Variants in SCEL observed in about 807,000 individuals in gnomAD.
SCEL encodes sciellin.
In SCEL, 113 loss-of-function variants were observed where a neutral mutation model predicts 117.6. The observed-to-expected ratio is 0.96, with a 90% confidence interval of 0.83 to 1.12. SCEL has a LOEUF of 1.12. Among genes scored for constraint, SCEL ranks in the 50% most tolerant of loss-of-function variants. The pLI, the probability that SCEL is intolerant of heterozygous loss-of-function variation, is 0.00. For synonymous variants in SCEL, 270 were observed against 256.2 expected (o/e 1.05, Z -0.51); for missense variants, 785 against 810.8 (o/e 0.97, Z 0.39).
intron 18 of SCEL, 46 bp from the exon 19 acceptor site, chr13:77,604,310 G>T: frequency 1.7e-6 from 2 of 1,208,176 alleles, no homozygotes; most frequent in Non-Finnish European, 2.4e-6. Flanking sequence ...TCTGATTAGT[G>T]CTATACTTTA....
At position 77,604,332 on chromosome 13, in the gene SCEL, T is replaced by G. The variant is rs756737341; in HGVS notation, c.1098-24T>G. The G allele has an allele frequency of 4.1e-6, 6 of 1,446,378 alleles. No homozygotes were observed. In the East Asian group the frequency reaches 1.4e-4, roughly 35 times the overall value. 89.6% of individuals were successfully genotyped at this position (1,446,378 alleles called of 1,614,324 possible). ...AGTGCTATACTTTAACATCATTCAT[T>G]AAAATTAATTTCCTTTTTCAAAGAA... is the stretch of plus-strand genomic sequence containing the variant. On this transcript the variant is annotated intron_variant, in intron 18 of 32. Coordinates refer to ENST00000349847, the MANE Select transcript of SCEL (RefSeq NM_144777.3).
intron 1 of SCEL, among the ~76,000 whole-genome samples, chr13:77,541,204 A>G (rs2083682224): frequency 6.6e-6 from 1 of 152,200 alleles, no homozygotes; most frequent in African/African-American, 2.4e-5. Flanking sequence ...AGTAAGAAAT[A>G]TATAATAATT....
intron 27 of SCEL, among the ~76,000 whole-genome samples, chr13:77,620,471 C>A (rs564924191): frequency 2.6e-5 from 4 of 152,178 alleles, no homozygotes; most frequent in African/African-American, 9.7e-5. Context: ...ACATTTCCAG[C>A]AGCTGTATAT....
chr13:77,624,197 C>T (rs2089596693), intron 27 of SCEL, among the ~76,000 whole-genome samples: 1 of 151,342 alleles, frequency 6.6e-6, no homozygotes, highest in Non-Finnish European at 1.5e-5. Context: ...CTCCTCCTCC[C>T]CCAGTTCACA....
At chr13:77,618,416 A>G (rs1364738723) in intron 27 of SCEL, among the ~76,000 whole-genome samples, 1 of 152,254 alleles carries the variant, frequency 6.6e-6, no homozygotes, top group East Asian at 1.9e-4. Context: ...TTCTGGGCTC[A>G]GGCAGTCCTC....
At chr13:77,537,183 T>C (rs2154392661) in intron 1 of SCEL, among the ~76,000 whole-genome samples, 1 of 152,344 alleles carries the variant, frequency 6.6e-6, no homozygotes, top group Middle Eastern at 3.4e-3. Flanking sequence ...AGAATTTTTA[T>C]TGGAATGTTA....
At chr13:77,601,419 T>C (rs2087678841) in intron 15 of SCEL, among the ~76,000 whole-genome samples, 1 of 152,192 alleles carries the variant, frequency 6.6e-6, no homozygotes, top group African/African-American at 2.4e-5. Flanking sequence ...ATGTCAACAG[T>C]CTTATCACAG....
At chr13:77,596,599 C>T (rs1199827379) in intron 12 of SCEL, among the ~76,000 whole-genome samples, 1 of 151,984 alleles carries the variant, frequency 6.6e-6, no homozygotes, top group East Asian at 1.9e-4. Flanking sequence ...GGATCGTACT[C>T]CATGTGTCCT....
intron 23 of SCEL, 103 bp from the exon 24 acceptor site, chr13:77,613,790 T>C: frequency 1.1e-6 from 1 of 879,898 alleles, no homozygotes; most frequent in Non-Finnish European, 1.9e-6. Flanking sequence ...CTCAGTAAAC[T>C]TATGAGTTCT....
Position 77,612,468 on chromosome 13 carries a change from T to C in SCEL, c.1338-423T>C, listed in dbSNP as rs1422670855. 1.4e-3 allele frequency among the ~76,000 whole-genome samples: 207 copies of C among 143,636 alleles called. 2 individuals are homozygous for C. Among genetic ancestry groups the C allele is most frequent in the African/African-American group, 4.6e-3 (173 of 37,888 alleles). 94.2% of individuals were successfully genotyped at this position (143,636 alleles called of 152,430 possible). On this transcript the variant is annotated intron_variant, in intron 22 of 32. Transcript: ENST00000349847. Reference sequence around the variant, plus strand: ...GCTTTTTTCTTTTCTTTTTTTTTTTTTTTTTTTTTTTTTTTTTACAAATTA... The same window carrying C: ...GCTTTTTTCTTTTCTTTTTTTTTTTCTTTTTTTTTTTTTTTTTACAAATTA...
chr13:77,623,499 A>G (rs1228256409), intron 27 of SCEL: 3 of 152,154 alleles, frequency 2.0e-5, no homozygotes, highest in Non-Finnish European at 4.4e-5. Flanking sequence ...ATATTACTCT[A>G]CCAAACCTGA....
chr13:77,593,293 T>TGCGC lies in SCEL; in HGVS notation c.693-220_693-219insCGCG, dbSNP rs1491396156. ...GTGTGTGTGTGTGTGTGTGTGTGTG[T>TGCGC]GTGTCTGTGTGTGTGTGTGTGTGTG... On this transcript the variant is annotated intron_variant, in intron 11 of 32. Transcript: ENST00000349847. Among the ~76,000 whole-genome samples the TGCGC allele has an allele frequency of 9.9e-4, 53 of 53,392 alleles. 2 individuals are homozygous for TGCGC. Among genetic ancestry groups the TGCGC allele is most frequent in the African/African-American group, 4.1e-3 (41 of 9,928 alleles). 35.0% of individuals were successfully genotyped at this position (53,392 alleles called of 152,430 possible). A position where few individuals can be genotyped will look rare whatever the true frequency, so the allele number is the denominator to read the frequency against.
At chr13:77,610,935 A>G (rs989622454) in intron 22 of SCEL, among the ~76,000 whole-genome samples, 2 of 152,226 alleles carry the variant, frequency 1.3e-5, no homozygotes, top group Admixed American at 1.3e-4. Context: ...AACAGGCATA[A>G]CAAAACCACC....
At chr13:77,575,514 T>C (rs965327160) in intron 9 of SCEL, among the ~76,000 whole-genome samples, 1 of 152,218 alleles carries the variant, frequency 6.6e-6, no homozygotes, top group Non-Finnish European at 1.5e-5. Flanking sequence ...CTGAGAAGTG[T>C]CATTTTATGT....
rs367672540 is a variant in SCEL at position 77,637,967 on chromosome 13, G to T, written c.1838+773G>T. ...GTATGGCATGCAGATTTCCAGTGAA[G>T]TAAATGAAAATAAATAATTAGTATT... On this transcript the variant is annotated intron_variant, in intron 30 of 32. Transcript: ENST00000349847. Among the ~76,000 whole-genome samples, 21 of 152,328 alleles carry T rather than the reference G, an allele frequency of 1.4e-4. No individual in the cohort carries two copies. The East Asian group carries it at 2.9e-3, about 21-fold the overall frequency.
intron 5 of SCEL, among the ~76,000 whole-genome samples, chr13:77,564,938 A>G (rs12872318): frequency 0.44 from 67,163 of 152,090 alleles, 16,812 homozygotes; most frequent in Non-Finnish European, 0.55. Context: ...AGTTTGTAGT[A>G]TATGTACAAG....
At chr13:77,539,986 T>C (rs2083614487) in intron 1 of SCEL, among the ~76,000 whole-genome samples, 1 of 152,150 alleles carries the variant, frequency 6.6e-6, no homozygotes, top group South Asian at 2.1e-4. Context: ...AAGTAGCTTG[T>C]TTTTATTGTA....
At chr13:77,536,825 G>C (rs2083441270) in intron 1 of SCEL, among the ~76,000 whole-genome samples, 1 of 152,174 alleles carries the variant, frequency 6.6e-6, no homozygotes, top group African/African-American at 2.4e-5. Context: ...TTGCTGACAA[G>C]GTCACCTGCA....
chr13:77,609,143 T>A, intron 21 of SCEL, 26 bp downstream of exon 21: 1 of 1,529,530 alleles, frequency 6.5e-7, no homozygotes, highest in Non-Finnish European at 8.9e-7. Flanking sequence ...CTCCCTTTTT[T>A]GTTTCATAGT....
Sources: gnomAD v4.1 joint callset for allele counts (sites outside exome capture counted in the v4.1 genomes callset) on GRCh38, gnomAD v4.1.1 for gene constraint, MANE v1.5 for transcripts, NCBI Gene and HGNC (gene_info 2026-07-23, HGNC 2026-07-21) for gene names.